Variants in MAN2B2 observed in about 807,000 individuals in gnomAD.
MAN2B2 encodes the protein epididymis-specific alpha-mannosidase.
A neutral mutation model predicts 117.1 loss-of-function variants in MAN2B2; 106 were observed. The observed-to-expected ratio is 0.90, with a 90% CI of 0.77 to 1.06. MAN2B2 has a LOEUF of 1.06. Ranked by LOEUF, MAN2B2 falls within the 50% of genes least tolerant of loss-of-function variation. MAN2B2 has a pLI of 0.00. For missense variants in MAN2B2, 1,326 were observed against 1,381.4 expected (o/e 0.96, Z 0.64); for synonymous variants, 544 against 595.1 (o/e 0.91, Z 1.25).
chr4:6,621,344 G>A lies in MAN2B2; in HGVS notation c.*59G>A. ...CCCAGGAACTCCATGTAACAGAACAGACCCAGGACAGGGAAAAGCAGTGCG... is the reference window on the plus strand; with the variant it reads ...CCCAGGAACTCCATGTAACAGAACAAACCCAGGACAGGGAAAAGCAGTGCG... On this transcript the variant is annotated 3_prime_UTR_variant, in exon 19 of 19. Transcript: ENST00000285599. 6.9e-7 allele frequency: 1 copy of A among 1,440,782 alleles called. No individual in the cohort carries two copies. Among genetic ancestry groups the A allele is most frequent in the Admixed American group, 1.8e-5 (1 of 56,026 alleles). The allele number at this position is 1,440,782 out of a possible 1,614,324, so 89.2% of individuals were successfully genotyped here.
intron 11 of MAN2B2, among the ~76,000 whole-genome samples, chr4:6,607,564 G>A (rs1031709790): frequency 6.6e-6 from 1 of 152,276 alleles, no homozygotes; most frequent in Non-Finnish European, 1.5e-5. Flanking sequence ...TCAGTACTTC[G>A]TTCCTTTTCA....
At chr4:6,615,020 G>A (rs546057414) in intron 16 of MAN2B2, among the ~76,000 whole-genome samples, 26 of 152,332 alleles carry the variant, frequency 1.7e-4, no homozygotes, top group East Asian at 5.8e-4. Context: ...CCTCTACACC[G>A]TGAGCAGTGG....
At chr4:6,612,625 C>G (rs1711622980) in intron 15 of MAN2B2, among the ~76,000 whole-genome samples, 1 of 152,228 alleles carries the variant, frequency 6.6e-6, no homozygotes, top group African/African-American at 2.4e-5. Context: ...CTTCAGATTC[C>G]CAGAAGAGGA....
chr4:6,584,327 G>GAT (rs1187308211), intron 3 of MAN2B2, among the ~76,000 whole-genome samples: 3 of 152,192 alleles, frequency 2.0e-5, no homozygotes, highest in Non-Finnish European at 4.4e-5. Context: ...TTGTGGTCAC[G>GAT]ATATGGCTGC....
At chr4:6,590,821 C>T (rs1372864459) in intron 5 of MAN2B2, among the ~76,000 whole-genome samples, 1 of 152,214 alleles carries the variant, frequency 6.6e-6, no homozygotes, top group Non-Finnish European at 1.5e-5. Flanking sequence ...CTTTCCCCTC[C>T]TCATCCTTGT....
intron 11 of MAN2B2, among the ~76,000 whole-genome samples, chr4:6,607,803 G>A (rs1727609912): frequency 6.6e-6 from 1 of 152,186 alleles, no homozygotes; most frequent in African/African-American, 2.4e-5. Context: ...TTGAGGAACT[G>A]CCCGACCGTT....
At chr4:6,595,635 G>A (rs1010904879) in intron 7 of MAN2B2, among the ~76,000 whole-genome samples, 2 of 152,208 alleles carry the variant, frequency 1.3e-5, no homozygotes, top group Admixed American at 6.5e-5. Context: ...ATCTGTTCAC[G>A]AGGGCAGAGC....
At chr4:6,611,043 G>C in intron 14 of MAN2B2, 43 bp from the exon 15 acceptor site, 1 of 1,612,266 alleles carries the variant, frequency 6.2e-7, no homozygotes, top group South Asian at 1.1e-5. Context: ...CTACAGGCAT[G>C]CCCAGGTGCA....
intron 7 of MAN2B2, 81 bp downstream of exon 7, chr4:6,594,813 T>A: frequency 7.2e-7 from 1 of 1,394,854 alleles, no homozygotes; most frequent in Non-Finnish European, 9.8e-7. Context: ...CTTCAGTGGC[T>A]GCTCGGCACT....
intron 16 of MAN2B2, among the ~76,000 whole-genome samples, chr4:6,616,902 G>A (rs1711905277): frequency 6.6e-6 from 1 of 152,138 alleles, no homozygotes; most frequent in Non-Finnish European, 1.5e-5. Context: ...CTCACATGGA[G>A]TCTATTAGTC....
In MAN2B2 at chr4:6,610,970, CAAGGGA is replaced by C. The variant is rs1459265370; in HGVS notation, c.2352_2357del (p.Gln784_Asn786delinsHis). 1.2e-6 allele frequency: 2 copies of C among 1,614,062 alleles called. No individual in the cohort carries two copies. The highest frequency in any genetic ancestry group is 2.7e-5 in the African/African-American group (2 of 74,928). On this transcript the variant is annotated inframe_deletion, in exon 14 of 19. Coordinates refer to ENST00000285599, the MANE Select transcript of MAN2B2 (RefSeq NM_015274.3). ...GGAGCGGGCACATGGCATCTCCAGCCAAGGGAATGGGCAGGTGGAGGTAGGAGGCAC... is the reference window on the plus strand; with the variant it reads ...GGAGCGGGCACATGGCATCTCCAGCCATGGGCAGGTGGAGGTAGGAGGCAC...
intron 9 of MAN2B2, among the ~76,000 whole-genome samples, chr4:6,598,945 A>G (rs1159157981): frequency 1.3e-5 from 2 of 152,344 alleles, no homozygotes; most frequent in East Asian, 1.9e-4. Context: ...GACTGATCAC[A>G]TGCCAGTGTG....
chr4:6,584,840 G>A (rs548096032), intron 3 of MAN2B2, among the ~76,000 whole-genome samples: 4 of 152,260 alleles, frequency 2.6e-5, no homozygotes, highest in Middle Eastern at 6.8e-3. Flanking sequence ...ACTGTGATTC[G>A]TCCCTTGAGG....
chr4:6,607,634 G>A (rs1727604766), intron 11 of MAN2B2, among the ~76,000 whole-genome samples: 2 of 152,162 alleles, frequency 1.3e-5, no homozygotes, highest in African/African-American at 4.8e-5. Context: ...TTCTTTAGTT[G>A]ATGGACATTT....
intron 3 of MAN2B2, among the ~76,000 whole-genome samples, chr4:6,586,232 G>A (rs190972722): frequency 9.2e-4 from 140 of 152,060 alleles, no homozygotes; most frequent in African/African-American, 3.2e-3. Context: ...TTTAAATTTT[G>A]TGTGCATGTG....
At chr4:6,596,768 C>T (rs1424556329) in intron 7 of MAN2B2, among the ~76,000 whole-genome samples, 1 of 152,208 alleles carries the variant, frequency 6.6e-6, no homozygotes, top group Non-Finnish European at 1.5e-5. Context: ...CTGGGTCTCC[C>T]AGGCCCTTTG....
At position 6,578,780 on chromosome 4, in the gene MAN2B2, C is replaced by G. The variant is rs78903205; in HGVS notation, c.391+282C>G. Among the ~76,000 whole-genome samples the G allele has an allele frequency of 7.7e-3, 1,176 of 152,154 alleles. 17 individuals carry two copies. Among genetic ancestry groups the G allele is most frequent in the African/African-American group, 0.026 (1,076 of 41,468 alleles). On this transcript the variant is annotated intron_variant, in intron 3 of 18. Transcript: ENST00000285599. Reference sequence around the variant, plus strand: ...CTGGAAAGGAATGTAACTTCAGTTTCCTCATAGATAAAATGAGTTTGATGG... The same window carrying G: ...CTGGAAAGGAATGTAACTTCAGTTTGCTCATAGATAAAATGAGTTTGATGG...
chr4:6,598,392 T>C, intron 9 of MAN2B2, 38 bp downstream of exon 9: 2 of 1,593,186 alleles, frequency 1.3e-6, no homozygotes, highest in Non-Finnish European at 1.7e-6. Flanking sequence ...GGCCCCTTTA[T>C]GAAGGGAGAG....
intron 5 of MAN2B2, among the ~76,000 whole-genome samples, chr4:6,592,818 T>C (rs1209034134): frequency 7.0e-6 from 1 of 142,136 alleles, no homozygotes; most frequent in East Asian, 1.9e-4. Context: ...TCCTCATGGG[T>C]TTTTTGCATT....
Sources: gnomAD v4.1 joint callset for allele counts (sites outside exome capture counted in the v4.1 genomes callset) on GRCh38, gnomAD v4.1.1 for gene constraint, MANE v1.5 for transcripts, NCBI Gene and HGNC (gene_info 2026-07-23, HGNC 2026-07-21) for gene names.